The following SBF2 variants were observed in gnomAD, a reference collection of about 807,000 sequenced individuals.
SBF2 encodes SET binding factor 2, also known as myotubularin-related protein 13.
Under a neutral mutation model 225.2 loss-of-function variants are expected in SBF2, and 112 were observed. That is an observed-to-expected ratio of 0.50 (90% CI 0.43 to 0.58). SBF2 has a LOEUF of 0.58. SBF2 is among the 20% of genes least tolerant of loss of function. SBF2 has a pLI of 0.00. For synonymous variants in SBF2, 763 were observed against 773.3 expected (o/e 0.99, Z 0.22); for missense variants, 1,996 against 2,206.2 (o/e 0.90, Z 1.91).
chr11:9,925,520 C>T (rs1041843559), intron 16 of SBF2, among the ~76,000 whole-genome samples: 1 of 152,228 alleles, frequency 6.6e-6, no homozygotes, highest in Non-Finnish European at 1.5e-5. Context: ...AGGTGATCCG[C>T]CCACCTGGGC....
rs915710908 is a variant in SBF2, at chr11:9,780,077, T to G, written c.*341A>C. The G allele has an allele frequency of 5.8e-6, 2 of 345,572 alleles. No individual in the cohort carries two copies. The highest frequency in any genetic ancestry group is 5.6e-6 in the Non-Finnish European group (1 of 177,576). 21.4% of individuals were successfully genotyped at this position (345,572 alleles called of 1,614,324 possible). ...TATGACCTCAGAGAACAAAAAAGGA[T>G]CTATAGCTTTCATGAAGAAGGACCC... On this transcript the variant is annotated 3_prime_UTR_variant, in exon 40 of 40. Transcript: ENST00000256190.
intron 17 of SBF2, among the ~76,000 whole-genome samples, chr11:9,859,202 A>G (rs192018130): frequency 6.6e-6 from 1 of 152,210 alleles, no homozygotes; most frequent in Non-Finnish European, 1.5e-5. Context: ...ATAACACCAA[A>G]TTGTCTTTCA....
intron 26 of SBF2, among the ~76,000 whole-genome samples, chr11:9,836,388 G>A (rs1410667680): frequency 1.3e-5 from 2 of 152,156 alleles, no homozygotes; most frequent in East Asian, 3.9e-4. Flanking sequence ...CTGCTCTTAA[G>A]TGTTATTTTT....
At chr11:9,947,146 G>A (rs1231537750) in intron 16 of SBF2, among the ~76,000 whole-genome samples, 1 of 152,128 alleles carries the variant, frequency 6.6e-6, no homozygotes, top group Non-Finnish European at 1.5e-5. Context: ...ATCACCTATG[G>A]ACAACTATAA....
chr11:10,110,930 AT>A (rs1345180366), intron 2 of SBF2, among the ~76,000 whole-genome samples: 4 of 152,196 alleles, frequency 2.6e-5, no homozygotes, highest in Non-Finnish European at 4.4e-5. Context: ...AAAATGTTTA[AT>A]TTACTGAGAC....
intron 21 of SBF2, among the ~76,000 whole-genome samples, chr11:9,851,480 C>T (rs1009038216): frequency 6.6e-6 from 1 of 152,010 alleles, no homozygotes; most frequent in Non-Finnish European, 1.5e-5. Flanking sequence ...TCCTTGGCCA[C>T]GTAATGAACA....
intron 1 of SBF2, among the ~76,000 whole-genome samples, chr11:10,263,002 T>C (rs1591328325): frequency 6.6e-6 from 1 of 152,036 alleles, no homozygotes; most frequent in Non-Finnish European, 1.5e-5. Context: ...AATTAATAAA[T>C]ATTTTATCAG....
intron 9 of SBF2, among the ~76,000 whole-genome samples, chr11:9,995,516 T>A (rs1947652440): frequency 6.6e-6 from 1 of 152,204 alleles, no homozygotes; most frequent in African/African-American, 2.4e-5. Context: ...AGTGTTGCCA[T>A]TTGATTATAA....
chr11:10,053,263 T>C (rs1230713112), intron 2 of SBF2, among the ~76,000 whole-genome samples: 3 of 152,192 alleles, frequency 2.0e-5, no homozygotes, highest in Non-Finnish European at 4.4e-5. Context: ...TAGTACTATA[T>C]AAATATTTCC....
intron 2 of SBF2, among the ~76,000 whole-genome samples, chr11:10,157,676 T>C (rs968661707): frequency 1.3e-5 from 2 of 152,236 alleles, no homozygotes; most frequent in Admixed American, 1.3e-4. Context: ...TGTTTCATTA[T>C]ATATTACAAT....
intron 25 of SBF2, among the ~76,000 whole-genome samples, chr11:9,842,402 C>T (rs1036802937): frequency 2.6e-5 from 4 of 152,138 alleles, no homozygotes; most frequent in Non-Finnish European, 5.9e-5. Flanking sequence ...GACCAATTAG[C>T]TGTATGAATT....
intron 1 of SBF2, among the ~76,000 whole-genome samples, chr11:10,278,788 TAAAA>T (rs11370521): frequency 1.6e-5 from 2 of 125,000 alleles, no homozygotes; most frequent in Admixed American, 8.0e-5. Flanking sequence ...TCCATCTCAA[TAAAA>T]AAAAAAAAAA....
chr11:10,116,696 TTTAGTCAGA>T (rs1447616934), intron 2 of SBF2, among the ~76,000 whole-genome samples: 1 of 152,158 alleles, frequency 6.6e-6, no homozygotes, highest in Non-Finnish European at 1.5e-5. Flanking sequence ...AGCTCTCTGC[TTTAGTCAGA>T]TCAGTCTCTT....
intron 2 of SBF2, among the ~76,000 whole-genome samples, chr11:10,163,569 T>C (rs1297587467): frequency 2.0e-5 from 3 of 152,130 alleles, no homozygotes; most frequent in Non-Finnish European, 4.4e-5. Context: ...ATTAAGTAAT[T>C]TGATCCATAT....
chr11:10,081,440 G>A (rs1951358786), intron 2 of SBF2, among the ~76,000 whole-genome samples: 1 of 152,070 alleles, frequency 6.6e-6, no homozygotes, highest in African/African-American at 2.4e-5. Flanking sequence ...TGCTAAGAGG[G>A]AAATTTATAA....
chr11:10,071,263 C>CTGT (rs774979361), intron 2 of SBF2, among the ~76,000 whole-genome samples: 1 of 124,932 alleles, frequency 8.0e-6, no homozygotes, highest in Non-Finnish European at 1.7e-5. Context: ...TTCTCTCTCT[C>CTGT]TCTTTTTTTT....
intron 21 of SBF2, 40 bp from the exon 22 acceptor site, chr11:9,850,258 AATTG>A (rs771257972): frequency 1.9e-6 from 3 of 1,582,862 alleles, no homozygotes; most frequent in African/African-American, 1.3e-5. Flanking sequence ...TTGATTGACT[AATTG>A]ATTGATTTTT....
intron 3 of SBF2, among the ~76,000 whole-genome samples, chr11:10,040,255 A>C (rs1407809405): frequency 1.3e-5 from 2 of 151,980 alleles, no homozygotes; most frequent in African/African-American, 4.8e-5. Flanking sequence ...AAGTTACCAA[A>C]ATTAACATCA....
At chr11:10,114,246 TA>T (rs1953025769) in intron 2 of SBF2, among the ~76,000 whole-genome samples, 1 of 152,254 alleles carries the variant, frequency 6.6e-6, no homozygotes, top group African/African-American at 2.4e-5. Flanking sequence ...TGTGATGTAT[TA>T]TTTTTAAGTG....
Sources: allele counts gnomAD v4.1 joint callset (sites outside exome capture counted in the v4.1 genomes callset), GRCh38; gene constraint gnomAD v4.1.1; transcripts MANE v1.5; gene names NCBI Gene and HGNC (gene_info 2026-07-23, HGNC 2026-07-21).